WDR70: variants seen among roughly 807,000 people sequenced by gnomAD.
WDR70 encodes WD repeat domain 70.
WDR70 carries 53 observed loss-of-function variants against 88.6 expected under a neutral mutation model. That is an observed-to-expected ratio of 0.60 (90% CI 0.48 to 0.75). The LOEUF is 0.75. Ranked by LOEUF, WDR70 falls within the 30% of genes least tolerant of loss-of-function variation. The probability of loss-of-function intolerance (pLI) is 0.00; values close to 1 mark genes in which losing one functional copy is unlikely to be tolerated. For synonymous variants in WDR70, 280 were observed against 270.0 expected, an observed-to-expected ratio of 1.04 and a Z score of -0.36; for missense variants, 610 against 823.2, an observed-to-expected ratio of 0.74 and a Z score of 3.17.
rs75732361 is a variant in WDR70, at chr5:37,434,456, G to A, written c.493-3466G>A. On this transcript the variant is annotated intron_variant, in intron 5 of 17. Coordinates refer to ENST00000265107, the MANE Select transcript of WDR70 (RefSeq NM_018034.4). ...GTAGCTGTACTTCAGTGATTTCTGC[G>A]AGAAAATAGCGCTCATTTTCAAGCT... Among the ~76,000 whole-genome samples the A allele has an allele frequency of 6.0e-3, 916 of 152,222 alleles. 11 individuals are homozygous for A. The highest frequency in any genetic ancestry group is 0.021 in the African/African-American group (869 of 41,518).
chr5:37,555,146 T>C (rs533184606), intron 9 of WDR70, among the ~76,000 whole-genome samples: 1 of 152,158 alleles, frequency 6.6e-6, no homozygotes, highest in Non-Finnish European at 1.5e-5. Context: ...AGGCAACAAA[T>C]GCATTGGAAA....
At chr5:37,742,494 T>A (rs1748515299) in intron 17 of WDR70, among the ~76,000 whole-genome samples, 3 of 152,174 alleles carry the variant, frequency 2.0e-5, no homozygotes, top group Admixed American at 2.0e-4. Context: ...TAATCCTTTG[T>A]CAGGTATATG....
At chr5:37,608,903 G>A (rs898444053) in intron 10 of WDR70, among the ~76,000 whole-genome samples, 1 of 152,150 alleles carries the variant, frequency 6.6e-6, no homozygotes, top group African/African-American at 2.4e-5. Context: ...TGCTGCATGA[G>A]GGAAAGGATT....
intron 5 of WDR70, among the ~76,000 whole-genome samples, chr5:37,418,102 T>C (rs954219274): frequency 2.6e-5 from 4 of 152,174 alleles, no homozygotes; most frequent in African/African-American, 7.2e-5. Context: ...TCACAGGATT[T>C]TGAAAAAATT....
chr5:37,678,664 A>AG (rs1053981079), intron 10 of WDR70, among the ~76,000 whole-genome samples: 4 of 151,846 alleles, frequency 2.6e-5, no homozygotes, highest in African/African-American at 9.7e-5. Flanking sequence ...TGCCCTTAAC[A>AG]TTTTTTCCTT....
chr5:37,687,855 G>T, intron 10 of WDR70: 1 of 618,644 alleles, frequency 1.6e-6, no homozygotes, highest in Non-Finnish European at 3.0e-6. Context: ...GCACAGGGAA[G>T]GAAGACCAAT....
intron 5 of WDR70, among the ~76,000 whole-genome samples, chr5:37,399,096 G>C (rs902718819): frequency 3.9e-5 from 6 of 152,214 alleles, no homozygotes; most frequent in African/African-American, 1.4e-4. Context: ...GGCTAACACG[G>C]TGAAAACCCA....
Position 37,703,036 on chromosome 5 carries a change from C to T in WDR70, c.1365C>T (p.Phe455=), listed in dbSNP as rs1419278069. 1 of 1,613,796 alleles carries T rather than the reference C, an allele frequency of 6.2e-7. No individual in the cohort carries two copies. Among genetic ancestry groups the T allele is most frequent in the Non-Finnish European group, 8.5e-7 (1 of 1,179,862 alleles). Residue 455 remains phenylalanine (F), a synonymous_variant, in exon 13 of 18, where the codon TTC becomes TTT. Coordinates refer to ENST00000265107, the MANE Select transcript of WDR70 (RefSeq NM_018034.4). ...GATGTGGCAGCGGCAAACTTGTTTT[C>T]TTTGAGCGTAGGACTTTCCAAAGGG... ...QRGCGSGKLV[F]FERRTFQRVY... is the part of the protein sequence containing the mutation.
At chr5:37,410,453 ATT>A (rs1749491772) in intron 5 of WDR70, among the ~76,000 whole-genome samples, 1 of 151,750 alleles carries the variant, frequency 6.6e-6, no homozygotes, top group Admixed American at 6.6e-5. Flanking sequence ...TTGAAATATA[ATT>A]TCCTCTAAGC....
At chr5:37,521,714 AC>A (rs1741096118) in intron 9 of WDR70, among the ~76,000 whole-genome samples, 1 of 144,106 alleles carries the variant, frequency 6.9e-6, no homozygotes, top group Non-Finnish European at 1.5e-5. Flanking sequence ...ACACACACAC[AC>A]ACACACACAC....
chr5:37,415,573 C>A (rs1372913891), intron 5 of WDR70, among the ~76,000 whole-genome samples: 2 of 134,042 alleles, frequency 1.5e-5, no homozygotes, highest in South Asian at 5.2e-4. Context: ...GCTGACCCCC[C>A]ACCTCCCTCC....
At chr5:37,450,814 A>T (rs1296627750) in intron 7 of WDR70, among the ~76,000 whole-genome samples, 2 of 151,906 alleles carry the variant, frequency 1.3e-5, no homozygotes, top group Non-Finnish European at 2.9e-5. Context: ...GTCTTTGTTA[A>T]ATTTATCTGT....
intron 17 of WDR70, among the ~76,000 whole-genome samples, chr5:37,729,632 GTTC>G (rs1010474753): frequency 2.0e-5 from 3 of 152,164 alleles, no homozygotes; most frequent in African/African-American, 7.2e-5. Flanking sequence ...TTTGTTTACA[GTTC>G]TTCTTGTCTT....
chr5:37,639,517 C>T (rs1745051644), intron 10 of WDR70, among the ~76,000 whole-genome samples: 1 of 152,062 alleles, frequency 6.6e-6, no homozygotes, highest in South Asian at 2.1e-4. Context: ...TATCTTAATT[C>T]CTTTGTTGTT....
intron 2 of WDR70, 23 bp downstream of exon 2, chr5:37,379,577 G>A (rs751198244): frequency 6.5e-5 from 105 of 1,613,394 alleles, no homozygotes; most frequent in Non-Finnish European, 8.6e-5. Flanking sequence ...CCCAGGCAGA[G>A]ACCCTCTTCC....
At chr5:37,474,347 T>C (rs79854631) in intron 7 of WDR70, among the ~76,000 whole-genome samples, 15,800 of 152,272 alleles carry the variant, frequency 0.1, 960 homozygotes, top group South Asian at 0.2. Flanking sequence ...TCTAATCTTC[T>C]CTATCCTTAT....
At chr5:37,521,587 T>C (rs1166155921) in intron 9 of WDR70, among the ~76,000 whole-genome samples, 3 of 152,170 alleles carry the variant, frequency 2.0e-5, no homozygotes, top group Admixed American at 6.6e-5. Flanking sequence ...GAAGATGCGA[T>C]GTTTGGTTTT....
At chr5:37,680,919 T>C (rs1581491596) in intron 10 of WDR70, among the ~76,000 whole-genome samples, 1 of 152,322 alleles carries the variant, frequency 6.6e-6, no homozygotes, top group East Asian at 1.9e-4. Flanking sequence ...TTAAATGGCT[T>C]TAAATAATGT....
intron 5 of WDR70, among the ~76,000 whole-genome samples, chr5:37,412,595 G>A (rs1202818432): frequency 6.6e-6 from 1 of 152,102 alleles, no homozygotes; most frequent in Non-Finnish European, 1.5e-5. Context: ...GTAACTAAGG[G>A]CTGGATGTAA....
Sources: gnomAD v4.1 joint callset for allele counts (sites outside exome capture counted in the v4.1 genomes callset) on GRCh38, gnomAD v4.1.1 for gene constraint, MANE v1.5 for transcripts, NCBI Gene and HGNC (gene_info 2026-07-23, HGNC 2026-07-21) for gene names.